The following GLRA2 variants were observed in gnomAD, a reference collection of about 807,000 sequenced individuals.
GLRA2 encodes the protein glycine receptor subunit alpha-2.
A neutral mutation model predicts 31.6 loss-of-function variants in GLRA2; 11 were observed. The observed-to-expected ratio is 0.35, with a 90% confidence interval of 0.22 to 0.58. The LOEUF (loss-of-function observed/expected upper bound fraction) is 0.58. Ranked by LOEUF, GLRA2 falls within the 20% of genes least tolerant of loss-of-function variation. GLRA2 has a pLI of 0.84. For synonymous variants in GLRA2, 132 were observed against 134.0 expected, an observed-to-expected ratio of 0.99 and a Z score of 0.10; for missense variants, 212 against 351.8, an observed-to-expected ratio of 0.60 and a Z score of 3.18.
chrX:14,660,315 A>C (rs1165488902), intron 7 of GLRA2, among the ~76,000 whole-genome samples: 1 of 111,802 alleles, frequency 8.9e-6, no homozygotes, highest in Admixed American at 9.5e-5. Flanking sequence ...CAGAGGAAAC[A>C]GTCAGTGCAG....
Position 14,532,470 on chromosome X carries a change from G to A in GLRA2, c.202+98G>A, listed in dbSNP as rs772741371. The A allele has an allele frequency of 1.9e-5, 10 of 513,614 alleles. No homozygotes were observed. In the East Asian group the frequency reaches 3.9e-4, roughly 20 times the overall value. The allele number at this position is 513,614 out of a possible 1,213,427, so 42.3% of individuals were successfully genotyped here. A position where few individuals can be genotyped will look rare whatever the true frequency, so the allele number is the denominator to read the frequency against. On this transcript the variant is annotated intron_variant, in intron 2 of 8. Transcript: ENST00000218075. ...TTTTCAGGGCTTTTAATTATAAAATGAAAATGACAAGTATAGTGTTCATTT... is the reference window on the plus strand; with the variant it reads ...TTTTCAGGGCTTTTAATTATAAAATAAAAATGACAAGTATAGTGTTCATTT...
chrX:14,675,760 A>G (rs1362187640), intron 7 of GLRA2, among the ~76,000 whole-genome samples: 1 of 111,753 alleles, frequency 8.9e-6, no homozygotes, highest in Admixed American at 9.5e-5. Flanking sequence ...CAGTGAAACT[A>G]TAAACATGAA....
intron 8 of GLRA2, among the ~76,000 whole-genome samples, chrX:14,728,171 G>A (rs939226811): frequency 1.8e-4 from 20 of 110,927 alleles, no homozygotes; most frequent in African/African-American, 6.6e-4. Context: ...GGAAAATCAC[G>A]TGAGCCCAGG....
At chrX:14,536,877 G>A (rs762274204) in intron 2 of GLRA2, among the ~76,000 whole-genome samples, 4 of 111,768 alleles carry the variant, frequency 3.6e-5, no homozygotes, top group African/African-American at 1.3e-4. Flanking sequence ...ATGAGTCAGA[G>A]TTGTCAATTA....
chrX:14,592,372 G>A (rs1488165001), intron 4 of GLRA2, among the ~76,000 whole-genome samples: 2 of 111,379 alleles, frequency 1.8e-5, no homozygotes, highest in African/African-American at 3.3e-5. Context: ...AAGAGGCAGC[G>A]TTAAAACATT....
chrX:14,584,146 C>T (rs2090055776), intron 4 of GLRA2, among the ~76,000 whole-genome samples: 1 of 111,392 alleles, frequency 9.0e-6, no homozygotes, highest in East Asian at 2.8e-4. Context: ...CACCAAACCC[C>T]GATGACATGC....
At chrX:14,520,470 G>A in the GLRA2 span, among the ~76,000 whole-genome samples, 3 of 112,340 alleles carry the variant, frequency 2.7e-5, no homozygotes, top group Non-Finnish European at 5.6e-5. Context: ...TAGCCAACAG[G>A]GAAGCAATCA....
intron 2 of GLRA2, among the ~76,000 whole-genome samples, chrX:14,546,418 A>C (rs1434922175): frequency 1.8e-5 from 2 of 111,505 alleles, no homozygotes; most frequent in Non-Finnish European, 1.9e-5. Flanking sequence ...CCTGAATGCC[A>C]ACAAAGTTTA....
At chrX:14,547,681 G>T (rs145962898) in intron 2 of GLRA2, among the ~76,000 whole-genome samples, 129 of 110,983 alleles carry the variant, frequency 1.2e-3, no homozygotes, top group African/African-American at 4.2e-3. Flanking sequence ...TTTATTTCTG[G>T]TGCTTGGCAC....
At chrX:14,587,091 A>G (rs1451988550) in intron 4 of GLRA2, among the ~76,000 whole-genome samples, 1 of 111,960 alleles carries the variant, frequency 8.9e-6, no homozygotes, top group East Asian at 2.8e-4. Context: ...GTCCAAAGAC[A>G]CAAACACACA....
intron 4 of GLRA2, among the ~76,000 whole-genome samples, chrX:14,602,202 G>A (rs1217548537): frequency 9.0e-6 from 1 of 110,914 alleles, no homozygotes; most frequent in African/African-American, 3.3e-5. Context: ...GATTAAAAAG[G>A]GAAATGGTGG....
chrX:14,507,686 A>ATTTTTTTTTTTTTTTTTTT, the GLRA2 span, among the ~76,000 whole-genome samples: 10 of 56,043 alleles, frequency 1.8e-4, no homozygotes, highest in Non-Finnish European at 3.6e-4. Context: ...TACGAAAGAC[A>ATTTTTTTTTTTTTTTTTTT]TTCTTTTTTT....
At chrX:14,616,954 C>T (rs761342965) in intron 7 of GLRA2, among the ~76,000 whole-genome samples, 3 of 111,328 alleles carry the variant, frequency 2.7e-5, no homozygotes, top group Non-Finnish European at 5.7e-5. Context: ...ATTGAAGAGT[C>T]GTTGATGTAG....
At chrX:14,586,728 G>C (rs1198325711) in intron 4 of GLRA2, among the ~76,000 whole-genome samples, 3 of 111,943 alleles carry the variant, frequency 2.7e-5, no homozygotes, top group African/African-American at 9.7e-5. Context: ...TGGAATAAAG[G>C]TCAGGACATC....
the GLRA2 span, among the ~76,000 whole-genome samples, chrX:14,473,716 G>T: frequency 8.9e-6 from 1 of 111,976 alleles, no homozygotes; most frequent in African/African-American, 3.2e-5. Flanking sequence ...GCCTGCTCAG[G>T]CTTCATTTCT....
the GLRA2 span, among the ~76,000 whole-genome samples, chrX:14,512,718 G>T: frequency 1.8e-5 from 2 of 111,426 alleles, no homozygotes; most frequent in African/African-American, 6.5e-5. Context: ...GGAGGTGAAA[G>T]ACCTCTACAA....
chrX:14,647,081 C>T (rs1032363469), intron 7 of GLRA2, among the ~76,000 whole-genome samples: 1 of 111,387 alleles, frequency 9.0e-6, no homozygotes, highest in Non-Finnish European at 1.9e-5. Context: ...ACAGAGGGAT[C>T]CAAAAGCATC....
chrX:14,473,732 C>T, the GLRA2 span, among the ~76,000 whole-genome samples: 6 of 112,245 alleles, frequency 5.3e-5, no homozygotes, highest in African/African-American at 1.6e-4. Flanking sequence ...TTTCTGTACA[C>T]AGTGGACTAT....
chrX:14,669,770 C>A (rs1044453571), intron 7 of GLRA2, among the ~76,000 whole-genome samples: 3 of 111,582 alleles, frequency 2.7e-5, no homozygotes, highest in African/African-American at 9.8e-5. Context: ...ACATTTTCCT[C>A]CTAGGCCTCT....
Sources: allele counts gnomAD v4.1 joint callset (sites outside exome capture counted in the v4.1 genomes callset), GRCh38; gene constraint gnomAD v4.1.1; transcripts MANE v1.5; gene names NCBI Gene and HGNC (gene_info 2026-07-23, HGNC 2026-07-21).